ETV1: variants seen among roughly 807,000 people sequenced by gnomAD.
ETV1 encodes ETS variant transcription factor 1, also known as ETS translocation variant 1.
ETV1 carries 27 observed loss-of-function variants against 62.3 expected under a neutral mutation model. The observed-to-expected ratio is 0.43, with a 90% CI of 0.32 to 0.60. The LOEUF (loss-of-function observed/expected upper bound fraction) is 0.60. ETV1 is among the 20% of genes least tolerant of loss of function. The pLI is 0.06. For missense variants in ETV1, 605 were observed against 605.8 expected (o/e 1.00, Z 0.01); for synonymous variants, 222 against 199.6 (o/e 1.11, Z -0.94).
chr7:13,949,240 A>G (rs987539531), intron 6 of ETV1, among the ~76,000 whole-genome samples: 1 of 152,220 alleles, frequency 6.6e-6, no homozygotes, highest in African/African-American at 2.4e-5. Context: ...AAGACCAGAT[A>G]CAAGCATGGC....
intron 10 of ETV1, chr7:13,910,619 G>C (rs942189770): frequency 7.4e-5 from 13 of 175,926 alleles, no homozygotes; most frequent in Admixed American, 7.2e-4. Context: ...AGAGTGTTTA[G>C]GTTAGGAACC....
chr7:13,949,964 G>T (rs1788607240), intron 6 of ETV1, among the ~76,000 whole-genome samples: 1 of 152,132 alleles, frequency 6.6e-6, no homozygotes, highest in Admixed American at 6.5e-5. Context: ...AAGGAGTATT[G>T]TCAGTCTGCA....
At chr7:13,958,025 C>G (rs1287280404) in intron 6 of ETV1, among the ~76,000 whole-genome samples, 3 of 152,168 alleles carry the variant, frequency 2.0e-5, no homozygotes, top group Non-Finnish European at 4.4e-5. Flanking sequence ...GCCTGCTTCT[C>G]CTCTTACCAT....
At chr7:13,903,405 C>T (rs1006321664) in intron 12 of ETV1, among the ~76,000 whole-genome samples, 4 of 152,114 alleles carry the variant, frequency 2.6e-5, no homozygotes, top group Non-Finnish European at 5.9e-5. Flanking sequence ...TCTTCCAGCT[C>T]AACAAGCTTC....
In ETV1 at chr7:13,939,083, C is replaced by G. The variant is rs767394580; in HGVS notation, c.365+34G>C. On this transcript the variant is annotated intron_variant, in intron 7 of 13. Coordinates refer to ENST00000430479, the MANE Select transcript of ETV1 (RefSeq NM_004956.5). ...CTGGACTTTTTGATTCAATAAGAACCACTATCCTACATACATACACCTGGT... is the reference window on the plus strand; with the variant it reads ...CTGGACTTTTTGATTCAATAAGAACGACTATCCTACATACATACACCTGGT... The G allele has an allele frequency of 9.4e-6, 15 of 1,588,004 alleles. No individual in the cohort carries two copies. The African/African-American group carries it at 1.4e-4, about 14-fold the overall frequency.
chr7:13,986,183 C>T (rs1224371422), intron 5 of ETV1: 1 of 1,589,796 alleles, frequency 6.3e-7, no homozygotes, highest in Non-Finnish European at 8.6e-7. Flanking sequence ...GCATCCCGTC[C>T]TGATGAACCC....
intron 6 of ETV1, among the ~76,000 whole-genome samples, chr7:13,955,686 G>A (rs1298414499): frequency 6.6e-6 from 1 of 152,162 alleles, no homozygotes; most frequent in Admixed American, 6.5e-5. Context: ...TGCAAGTATT[G>A]TAGGAACTAA....
chr7:13,932,543 CATGAGGA>C (rs1316689056), intron 8 of ETV1, among the ~76,000 whole-genome samples: 3 of 152,152 alleles, frequency 2.0e-5, no homozygotes, highest in Non-Finnish European at 4.4e-5. Context: ...GCTGTTAGGA[CATGAGGA>C]AGTTCTGAGG....
chr7:13,897,473 T>C (rs1367144744), intron 13 of ETV1, among the ~76,000 whole-genome samples: 1 of 152,230 alleles, frequency 6.6e-6, no homozygotes, highest in Non-Finnish European at 1.5e-5. Context: ...TCAAATAATC[T>C]GAATGTACCT....
intron 9 of ETV1, among the ~76,000 whole-genome samples, chr7:13,931,255 T>C (rs1708045824): frequency 6.6e-6 from 1 of 152,224 alleles, no homozygotes; most frequent in Non-Finnish European, 1.5e-5. Flanking sequence ...CTGTGCATAA[T>C]TCTGTAAAGT....
intron 13 of ETV1, among the ~76,000 whole-genome samples, chr7:13,899,842 A>G (rs1168517860): frequency 6.6e-6 from 1 of 152,058 alleles, no homozygotes; most frequent in African/African-American, 2.4e-5. Flanking sequence ...TTAAAAAGCT[A>G]CTCTTGGCTG....
intron 4 of ETV1, among the ~76,000 whole-genome samples, chr7:13,987,760 T>C (rs1366739026): frequency 6.6e-6 from 1 of 152,178 alleles, no homozygotes; most frequent in African/African-American, 2.4e-5. Flanking sequence ...TCCCACTGTA[T>C]TGGATATTTT....
chr7:13,900,086 G>A (rs1354239664), intron 13 of ETV1, among the ~76,000 whole-genome samples: 3 of 152,190 alleles, frequency 2.0e-5, no homozygotes, highest in South Asian at 2.1e-4. Context: ...CCAAGATCAC[G>A]CCACTGCACT....
chr7:13,935,149 A>G (rs984150845), intron 8 of ETV1, among the ~76,000 whole-genome samples: 3 of 152,178 alleles, frequency 2.0e-5, no homozygotes, highest in Admixed American at 6.5e-5. Flanking sequence ...TCTAAGTAAT[A>G]CTAATTGAGT....
At chr7:13,946,665 A>G (rs568985971) in intron 6 of ETV1, among the ~76,000 whole-genome samples, 1 of 152,364 alleles carries the variant, frequency 6.6e-6, no homozygotes, top group African/African-American at 2.4e-5. Flanking sequence ...TCTAAAAGCA[A>G]CAATGCTGGT....
chr7:13,926,762 G>A (rs771842334), intron 9 of ETV1, among the ~76,000 whole-genome samples: 17 of 152,132 alleles, frequency 1.1e-4, no homozygotes, highest in Non-Finnish European at 2.1e-4. Flanking sequence ...CTAGTATCAT[G>A]ATACAATCAT....
At chr7:13,904,190 A>G (rs1782722379) in intron 12 of ETV1, among the ~76,000 whole-genome samples, 1 of 152,220 alleles carries the variant, frequency 6.6e-6, no homozygotes, top group African/African-American at 2.4e-5. Flanking sequence ...ACAGTCAGCA[A>G]TGCAGCAATC....
At chr7:13,917,564 G>A (rs1043198284) in intron 9 of ETV1, among the ~76,000 whole-genome samples, 17 of 151,886 alleles carry the variant, frequency 1.1e-4, no homozygotes, top group East Asian at 5.9e-4. Flanking sequence ...GTGATCTGCC[G>A]TCTTGGCCTC....
chr7:13,943,343 C>T (rs1289392467), intron 6 of ETV1, among the ~76,000 whole-genome samples: 3 of 152,158 alleles, frequency 2.0e-5, no homozygotes, highest in African/African-American at 7.2e-5. Flanking sequence ...ACTAGAATGA[C>T]TAACCTGCAA....
Sources: allele counts gnomAD v4.1 joint callset (sites outside exome capture counted in the v4.1 genomes callset), GRCh38; gene constraint gnomAD v4.1.1; transcripts MANE v1.5; gene names NCBI Gene and HGNC (gene_info 2026-07-23, HGNC 2026-07-21).